NTM: variants seen among roughly 807,000 people sequenced by gnomAD.
NTM encodes the protein neurotrimin.
NTM carries 13 observed loss-of-function variants against 42.1 expected under a neutral mutation model. The observed-to-expected ratio is 0.31, with a 90% CI of 0.20 to 0.49. The LOEUF is 0.49. Ranked by LOEUF, NTM falls within the 20% of genes least tolerant of loss-of-function variation. The pLI is 0.99. For missense variants in NTM, 373 were observed against 452.8 expected (o/e 0.82, Z 1.60); for synonymous variants, 187 against 179.2 (o/e 1.04, Z -0.35).
chr11:132,277,409 C>G (rs1051367181), intron 4 of NTM, among the ~76,000 whole-genome samples: 2 of 152,152 alleles, frequency 1.3e-5, no homozygotes, highest in Middle Eastern at 6.3e-3. Flanking sequence ...GGAGAAGGCT[C>G]TATTGATGAG....
intron 2 of NTM, among the ~76,000 whole-genome samples, chr11:132,081,557 C>A (rs931907811): frequency 2.0e-5 from 3 of 151,916 alleles, no homozygotes; most frequent in Non-Finnish European, 2.9e-5. Flanking sequence ...ACGGTGAAAC[C>A]CCGTCTCTAC....
chr11:132,012,688 C>T (rs982903435), intron 2 of NTM, among the ~76,000 whole-genome samples: 5 of 152,110 alleles, frequency 3.3e-5, no homozygotes, highest in Non-Finnish European at 7.3e-5. Flanking sequence ...TTTAATGGCT[C>T]ATTAATTCAT....
intron 3 of NTM, among the ~76,000 whole-genome samples, chr11:132,149,185 C>T (rs1591827974): frequency 1.5e-5 from 2 of 134,260 alleles, no homozygotes; most frequent in South Asian, 4.6e-4. Context: ...GAGCCAGATT[C>T]TTGTGTTTCT....
rs540349331 is a variant in NTM, at chr11:132,211,424, G to A, written c.401-598G>A. On this transcript the variant is annotated intron_variant, in intron 3 of 8. Coordinates refer to ENST00000683400, the MANE Select transcript of NTM (RefSeq NM_001352005.2). ...CAAAATAAAAATGAAAACGAGAATG[G>A]CTGGGAGTTGCCCAGGAAGGATAAA... 6.1e-4 allele frequency among the ~76,000 whole-genome samples: 93 copies of A among 152,244 alleles called. 3 individuals carry two copies. The South Asian group carries it at 0.018, about 30-fold the overall frequency.
chr11:132,040,231 G>T (rs1452838641), intron 2 of NTM, among the ~76,000 whole-genome samples: 1 of 152,174 alleles, frequency 6.6e-6, no homozygotes, highest in Non-Finnish European at 1.5e-5. Flanking sequence ...AAAGTAGTAG[G>T]ATTACAGACG....
chr11:132,114,178 C>T (rs2063580090), intron 2 of NTM, among the ~76,000 whole-genome samples: 1 of 152,104 alleles, frequency 6.6e-6, no homozygotes, highest in Admixed American at 6.5e-5. Flanking sequence ...TTGAAAAGAT[C>T]TTATCTTGCT....
intron 1 of NTM, among the ~76,000 whole-genome samples, chr11:131,594,852 T>C (rs2059678319): frequency 6.6e-6 from 1 of 152,164 alleles, no homozygotes; most frequent in Non-Finnish European, 1.5e-5. Context: ...TAGGGCGCCA[T>C]GTACTCTAAA....
chr11:131,787,381 T>TATTA (rs34121027), intron 1 of NTM, among the ~76,000 whole-genome samples: 1 of 59,790 alleles, frequency 1.7e-5, no homozygotes, highest in South Asian at 5.0e-4. Flanking sequence ...TTATTATTAT[T>TATTA]TTATTTTTAT....
intron 3 of NTM, among the ~76,000 whole-genome samples, chr11:132,198,770 T>C (rs563243578): frequency 6.6e-6 from 1 of 152,310 alleles, no homozygotes; most frequent in African/African-American, 2.4e-5. Flanking sequence ...GAGAGAAGAC[T>C]AGAAGATAAG....
At chr11:131,375,904 A>G (rs1020445886) in intron 1 of NTM, among the ~76,000 whole-genome samples, 1 of 151,746 alleles carries the variant, frequency 6.6e-6, no homozygotes, top group Non-Finnish European at 1.5e-5. Context: ...TTTCCTTCCC[A>G]TTCTCTCTCC....
At chr11:132,084,560 T>C (rs528414722) in intron 2 of NTM, among the ~76,000 whole-genome samples, 3 of 152,192 alleles carry the variant, frequency 2.0e-5, no homozygotes, top group African/African-American at 7.2e-5. Context: ...AATTTGATTT[T>C]GGGAAGCCTG....
At chr11:131,893,097 G>A (rs567742090) in intron 1 of NTM, among the ~76,000 whole-genome samples, 196 of 152,342 alleles carry the variant, frequency 1.3e-3, no homozygotes, top group African/African-American at 4.4e-3. Context: ...CAGCCCGAAT[G>A]TAGGATGTGG....
At chr11:132,062,295 G>A (rs2080810733) in intron 2 of NTM, among the ~76,000 whole-genome samples, 1 of 152,082 alleles carries the variant, frequency 6.6e-6, no homozygotes, top group African/African-American at 2.4e-5. Flanking sequence ...AAGTGAGGGG[G>A]CTAATCATGC....
chr11:132,273,286 G>T (rs1270168808), intron 4 of NTM, among the ~76,000 whole-genome samples: 4 of 54,442 alleles, frequency 7.3e-5, no homozygotes, highest in African/African-American at 2.3e-4. Flanking sequence ...ATTTTTATTT[G>T]TTGCCAGGTT....
chr11:131,393,774 C>T (rs1197705060), intron 1 of NTM, among the ~76,000 whole-genome samples: 1 of 152,242 alleles, frequency 6.6e-6, no homozygotes, highest in Non-Finnish European at 1.5e-5. Flanking sequence ...TGTGCCAGAT[C>T]TTATCCCTGT....
chr11:131,532,882 G>A (rs143363512), intron 1 of NTM, among the ~76,000 whole-genome samples: 67 of 152,000 alleles, frequency 4.4e-4, no homozygotes, highest in African/African-American at 6.5e-4. Flanking sequence ...TTGGAGAAAC[G>A]TCTATTCAAG....
At chr11:131,629,294 C>T (rs1208646297) in intron 1 of NTM, among the ~76,000 whole-genome samples, 2 of 152,024 alleles carry the variant, frequency 1.3e-5, no homozygotes, top group African/African-American at 4.8e-5. Flanking sequence ...CATTTCAAAC[C>T]AGGCTCTCTT....
chr11:131,464,246 C>T (rs1027950550), intron 1 of NTM, among the ~76,000 whole-genome samples: 2 of 152,042 alleles, frequency 1.3e-5, no homozygotes, highest in Non-Finnish European at 2.9e-5. Flanking sequence ...TCTGGGAATG[C>T]GGCAGGGAGT....
At chr11:131,661,886 A>G (rs1488236707) in intron 1 of NTM, among the ~76,000 whole-genome samples, 2 of 152,222 alleles carry the variant, frequency 1.3e-5, no homozygotes, top group African/African-American at 4.8e-5. Context: ...AACAGTCTAT[A>G]AATCCAGACT....
Sources: gnomAD v4.1 joint callset for allele counts (sites outside exome capture counted in the v4.1 genomes callset) on GRCh38, gnomAD v4.1.1 for gene constraint, MANE v1.5 for transcripts, NCBI Gene and HGNC (gene_info 2026-07-23, HGNC 2026-07-21) for gene names.